Variants in ARID1B observed in about 807,000 individuals in gnomAD.
ARID1B encodes the protein AT-rich interactive domain-containing protein 1B.
A neutral mutation model predicts 212.3 loss-of-function variants in ARID1B; 30 were observed. That is an observed-to-expected ratio of 0.14 (90% CI 0.11 to 0.19). The LOEUF (loss-of-function observed/expected upper bound fraction) is 0.19, where lower values mean the gene tolerates loss of function less well. Among genes scored for constraint, ARID1B ranks in the 10% least tolerant of loss-of-function variants. The pLI, the probability that ARID1B is intolerant of heterozygous loss-of-function variation, is 1.00. For synonymous variants in ARID1B, 1,402 were observed against 1,301.7 expected (o/e 1.08, Z -1.66); for missense variants, 2,891 against 3,204.0 (o/e 0.90, Z 2.36).
chr6:157,095,287 C>T (rs895920653), intron 5 of ARID1B, among the ~76,000 whole-genome samples: 1 of 152,154 alleles, frequency 6.6e-6, no homozygotes. Flanking sequence ...GGGAAAGGAC[C>T]GGTGCTGGCC....
chr6:156,796,015 A>G (rs1780350293), intron 1 of ARID1B, among the ~76,000 whole-genome samples: 1 of 151,878 alleles, frequency 6.6e-6, no homozygotes, highest in South Asian at 2.1e-4. Flanking sequence ...TGCGGTGGGA[A>G]AGCTCGGCGC....
At chr6:157,085,052 G>T (rs763973757) in intron 5 of ARID1B, 147 bp downstream of exon 5, 5 of 1,011,716 alleles carry the variant, frequency 4.9e-6, no homozygotes, top group Admixed American at 3.2e-5. Context: ...GCATACGAGA[G>T]TCCCAGTTCC....
chr6:157,143,106 TC>T (rs1391416250), intron 7 of ARID1B, among the ~76,000 whole-genome samples: 2 of 152,194 alleles, frequency 1.3e-5, no homozygotes, highest in African/African-American at 4.8e-5. Context: ...TGAATGGAAC[TC>T]CTGGTGGGTA....
In ARID1B at chr6:157,200,726, G is replaced by T. The variant is rs746412839; in HGVS notation, c.4501G>T (p.Gly1501Cys). 6.2e-7 allele frequency: 1 copy of T among 1,610,778 alleles called. No individual in the cohort carries two copies. The highest frequency in any genetic ancestry group is 8.5e-7 in the Non-Finnish European group (1 of 1,178,584). Reference sequence around the variant, plus strand: ...CCAGAATTACAAACGCCATATGGACGGCATGTACGGGCCCCCAGCCAAGCG... The same window carrying T: ...CCAGAATTACAAACGCCATATGGACTGCATGTACGGGCCCCCAGCCAAGCG... ...QQPNYKRHMD[G>C]MYGPPAKRHE... Residue 1501 changes from glycine to cysteine, a missense_variant, in exon 18 of 20, where the codon GGC becomes TGC. Transcript: ENST00000636930. The surrounding 1 kb of genome is among the most constrained non-coding windows in gnomAD (Gnocchi z 4.3).
chr6:156,963,092 T>C (rs1477078231), intron 4 of ARID1B, among the ~76,000 whole-genome samples: 1 of 152,192 alleles, frequency 6.6e-6, no homozygotes, highest in Non-Finnish European at 1.5e-5. Context: ...TCAATTTCTT[T>C]AGAAGTATTA....
At chr6:156,896,070 G>A (rs1033982939) in intron 2 of ARID1B, among the ~76,000 whole-genome samples, 4 of 152,136 alleles carry the variant, frequency 2.6e-5, no homozygotes, top group Non-Finnish European at 4.4e-5. Context: ...TTACTACTGT[G>A]TAGATTTAAT....
rs552357388 is a variant in ARID1B, at chr6:156,800,201, C to T, written c.1791+20730C>T. Among the ~76,000 whole-genome samples the T allele has an allele frequency of 9.9e-5, 15 of 152,264 alleles. No individual in the cohort carries two copies. The South Asian group carries it at 2.9e-3, about 29-fold the overall frequency. On this transcript the variant is annotated intron_variant, in intron 1 of 19. Coordinates refer to ENST00000636930, the MANE Select transcript of ARID1B (RefSeq NM_001374828.1). ...TTTCATGTGTCTGAAGAACCTTTTT[C>T]CAACATAAAACCTTTTCAGCATTAA...
chr6:156,779,662 C>T lies in ARID1B; in HGVS notation c.1791+191C>T, dbSNP rs534914874. ...GCGCCCCGGGGGCCGGCGCGCTGTC[C>T]AGGCCTGGGAGGGCTTCGCCGGGCC... On this transcript the variant is annotated intron_variant, in intron 1 of 19. Transcript: ENST00000636930. 1,566 of 406,982 alleles carry T rather than the reference C, an allele frequency of 3.8e-3. 5 individuals are homozygous for T. The highest frequency in any genetic ancestry group is 5.0e-3 in the Non-Finnish European group (1,440 of 288,404). The allele number at this position is 406,982 out of a possible 1,614,324, so 25.2% of individuals were successfully genotyped here. A position where few individuals can be genotyped will look rare whatever the true frequency, so the allele number is the denominator to read the frequency against.
At chr6:156,783,379 T>C (rs1476697048) in intron 1 of ARID1B, among the ~76,000 whole-genome samples, 1 of 152,088 alleles carries the variant, frequency 6.6e-6, no homozygotes, top group Non-Finnish European at 1.5e-5. Flanking sequence ...ATTTTAAAAA[T>C]GTAAGACAAT....
At chr6:157,161,421 T>TTGTGTGTGTGTGTGTGTG (rs527696446) in intron 8 of ARID1B, among the ~76,000 whole-genome samples, 33 of 135,810 alleles carry the variant, frequency 2.4e-4, no homozygotes, top group African/African-American at 1.0e-3. Flanking sequence ...TCTGTTTTGA[T>TTGTGTGTGTGTGTGTGTG]TGTGTGTGTG....
chr6:157,172,504 A>T (rs1197084332), intron 9 of ARID1B, among the ~76,000 whole-genome samples: 2 of 152,338 alleles, frequency 1.3e-5, no homozygotes, highest in Admixed American at 1.3e-4. Context: ...TGGGCTTTGA[A>T]AAACAAGCCA....
chr6:157,031,568 C>G (rs1781017571), intron 4 of ARID1B, among the ~76,000 whole-genome samples: 1 of 152,124 alleles, frequency 6.6e-6, no homozygotes, highest in Non-Finnish European at 1.5e-5. Context: ...CTTTCCCATC[C>G]TTGCCTGGAA....
At chr6:156,812,148 T>G (rs1241710907) in intron 1 of ARID1B, among the ~76,000 whole-genome samples, 7 of 152,206 alleles carry the variant, frequency 4.6e-5, no homozygotes, top group Non-Finnish European at 2.9e-5. Context: ...TCTCTCTTAT[T>G]TGAAACAGGG....
intron 2 of ARID1B, among the ~76,000 whole-genome samples, chr6:156,850,898 T>C (rs1354837727): frequency 6.6e-6 from 1 of 152,194 alleles, no homozygotes; most frequent in East Asian, 1.9e-4. Context: ...TGTAAAGGAA[T>C]ATGAAAGTCA....
intron 4 of ARID1B, among the ~76,000 whole-genome samples, chr6:157,046,916 A>G (rs755165299): frequency 2.6e-5 from 4 of 152,074 alleles, no homozygotes; most frequent in Non-Finnish European, 5.9e-5. Flanking sequence ...AAAGTGACTT[A>G]TTTTAGGCAC....
chr6:156,826,129 T>A (rs973250291), intron 1 of ARID1B, among the ~76,000 whole-genome samples: 1 of 152,152 alleles, frequency 6.6e-6, no homozygotes, highest in East Asian at 1.9e-4. Flanking sequence ...CAGTTTAAAA[T>A]TGTATCACAT....
intron 4 of ARID1B, among the ~76,000 whole-genome samples, chr6:157,039,318 A>ATTTATTTTT: frequency 8.9e-6 from 1 of 112,824 alleles, no homozygotes; most frequent in East Asian, 2.3e-4. Context: ...GAAATTTGAC[A>ATTTATTTTT]TTTCTTTTTT....
intron 4 of ARID1B, chr6:156,943,419 A>G (rs1792824240): frequency 1.3e-5 from 2 of 152,086 alleles, no homozygotes; most frequent in South Asian, 4.2e-4. Context: ...AGGAGAAAAA[A>G]GCTGTAAGCC....
chr6:156,928,221 G>C (rs1791396930), intron 3 of ARID1B, among the ~76,000 whole-genome samples: 1 of 152,170 alleles, frequency 6.6e-6, no homozygotes, highest in Non-Finnish European at 1.5e-5. Flanking sequence ...ACTTCCTTCT[G>C]TAGGCCTTCG....
Sources: gnomAD v4.1 joint callset for allele counts (sites outside exome capture counted in the v4.1 genomes callset) on GRCh38, gnomAD v4.1.1 for gene constraint, Gnocchi (gnomAD v3.1) non-coding constraint, MANE v1.5 for transcripts, NCBI Gene and HGNC (gene_info 2026-07-23, HGNC 2026-07-21) for gene names.